The following MCC variants were observed in gnomAD, a reference collection of about 807,000 sequenced individuals.
The protein encoded by MCC is colorectal mutant cancer protein.
Under a neutral mutation model 116.2 loss-of-function variants are expected in MCC, and 90 were observed. The observed-to-expected ratio is 0.77, with a 90% CI of 0.65 to 0.92. The LOEUF (loss-of-function observed/expected upper bound fraction) is 0.92. Ranked by LOEUF, MCC falls within the 40% of genes least tolerant of loss-of-function variation. The pLI, the probability that MCC is intolerant of heterozygous loss-of-function variation, is 0.00. For missense variants in MCC, 1,516 were observed against 1,312.2 expected, an observed-to-expected ratio of 1.16 and a Z score of -2.40; for synonymous variants, 578 against 510.5, an observed-to-expected ratio of 1.13 and a Z score of -1.78.
chr5:113,069,525 G>T (rs1215590697), intron 12 of MCC, among the ~76,000 whole-genome samples: 1 of 152,250 alleles, frequency 6.6e-6, no homozygotes, highest in Admixed American at 6.5e-5. Context: ...GCTGAACAGG[G>T]GATATGTTGC....
chr5:113,035,261 C>T (rs1453266537), intron 17 of MCC, among the ~76,000 whole-genome samples: 1 of 152,164 alleles, frequency 6.6e-6, no homozygotes, highest in East Asian at 1.9e-4. Flanking sequence ...CTCCTCCTCC[C>T]CTCATCCTTG....
intron 3 of MCC, among the ~76,000 whole-genome samples, chr5:113,305,578 G>A (rs149073919): frequency 3.3e-5 from 5 of 151,796 alleles, no homozygotes; most frequent in East Asian, 3.9e-4. Flanking sequence ...TAGTCCTTTC[G>A]TCCCCACTTG....
At chr5:113,294,552 TTA>T in intron 3 of MCC, 1 of 1,367,204 alleles carries the variant, frequency 7.3e-7, no homozygotes, top group East Asian at 2.8e-5. Context: ...GCAGGCACTC[TTA>T]AAAAGAGCAG....
intron 8 of MCC, among the ~76,000 whole-genome samples, chr5:113,101,322 G>C (rs945534022): frequency 3.3e-5 from 5 of 151,494 alleles, no homozygotes; most frequent in African/African-American, 1.2e-4. Context: ...ATAAGCAAAT[G>C]AGAGCAGGTA....
chr5:113,380,809 A>C (rs1209850533), intron 2 of MCC, among the ~76,000 whole-genome samples: 2 of 152,174 alleles, frequency 1.3e-5, no homozygotes, highest in East Asian at 3.8e-4. Context: ...GTGCCTAGTA[A>C]AGGCTCAGAG....
intron 1 of MCC, among the ~76,000 whole-genome samples, chr5:113,477,610 T>A (rs1772267836): frequency 6.6e-6 from 1 of 152,066 alleles, no homozygotes; most frequent in Admixed American, 6.6e-5. Flanking sequence ...CTCACCGAGT[T>A]GAGGAGAGAG....
At chr5:113,462,611 T>C (rs1384227794) in intron 1 of MCC, among the ~76,000 whole-genome samples, 1 of 152,208 alleles carries the variant, frequency 6.6e-6, no homozygotes, top group Non-Finnish European at 1.5e-5. Context: ...CAGCAATTTG[T>C]TCTCCAGTAA....
At chr5:113,352,000 T>C (rs986139949) in intron 2 of MCC, among the ~76,000 whole-genome samples, 2 of 152,206 alleles carry the variant, frequency 1.3e-5, no homozygotes, top group Admixed American at 6.5e-5. Context: ...GACCTTCATA[T>C]TATTACCATA....
At chr5:113,398,780 G>A (rs772485894) in intron 1 of MCC, among the ~76,000 whole-genome samples, 16 of 152,138 alleles carry the variant, frequency 1.1e-4, no homozygotes, top group Non-Finnish European at 1.6e-4. Flanking sequence ...TCAGCATCAC[G>A]CAATATACCC....
chr5:113,292,863 T>C (rs141127621), intron 3 of MCC, among the ~76,000 whole-genome samples: 2 of 152,200 alleles, frequency 1.3e-5, no homozygotes, highest in Admixed American at 1.3e-4. Context: ...AGGCTTCTCC[T>C]GAAACAGGGT....
At chr5:113,394,655 T>G (rs1037968830) in intron 1 of MCC, among the ~76,000 whole-genome samples, 10 of 152,236 alleles carry the variant, frequency 6.6e-5, no homozygotes, top group Non-Finnish European at 1.5e-4. Context: ...AGCGCATGTT[T>G]CATAAGTCAC....
At chr5:113,143,408 A>G in intron 4 of MCC, 48 bp from the exon 5 acceptor site, 1 of 1,592,522 alleles carries the variant, frequency 6.3e-7, no homozygotes, top group Non-Finnish European at 8.6e-7. Flanking sequence ...TCATGCACCT[A>G]CAGGTGGATG....
intron 3 of MCC, among the ~76,000 whole-genome samples, chr5:113,282,776 A>T (rs1202551503): frequency 6.6e-6 from 1 of 152,196 alleles, no homozygotes; most frequent in Non-Finnish European, 1.5e-5. Flanking sequence ...GCATGAAAAT[A>T]AATTAGATTT....
At chr5:113,259,546 A>G (rs1297765732) in intron 3 of MCC, among the ~76,000 whole-genome samples, 1 of 152,198 alleles carries the variant, frequency 6.6e-6, no homozygotes, top group Admixed American at 6.6e-5. Flanking sequence ...TTTGCTCTTA[A>G]TGTGCTTCAG....
chr5:113,435,088 T>C, intron 1 of MCC: 1 of 481,502 alleles, frequency 2.1e-6, no homozygotes. Context: ...CACTTGGACT[T>C]GGAATCCTGG....
At chr5:113,301,863 AG>A (rs1251457204) in intron 3 of MCC, among the ~76,000 whole-genome samples, 1 of 152,234 alleles carries the variant, frequency 6.6e-6, no homozygotes, top group Non-Finnish European at 1.5e-5. Context: ...ATCATGTCAG[AG>A]CCAAATCGTG....
At chr5:113,479,753 CTTT>C (rs1304659175) in intron 1 of MCC, among the ~76,000 whole-genome samples, 3 of 151,716 alleles carry the variant, frequency 2.0e-5, no homozygotes, top group Admixed American at 2.0e-4. Flanking sequence ...CTTTTTTCTT[CTTT>C]ATTCTCCCAC....
intron 6 of MCC, among the ~76,000 whole-genome samples, chr5:113,114,792 C>T (rs1757301899): frequency 6.6e-6 from 1 of 152,146 alleles, no homozygotes; most frequent in African/African-American, 2.4e-5. Context: ...CCGTTCCATC[C>T]CCCTTCTAGC....
intron 3 of MCC, among the ~76,000 whole-genome samples, chr5:113,258,489 T>G (rs1361222432): frequency 6.6e-6 from 1 of 152,230 alleles, no homozygotes; most frequent in Admixed American, 6.5e-5. Flanking sequence ...CAGTATTAGA[T>G]TCTCATAGGA....
Sources: gnomAD v4.1 joint callset for allele counts (sites outside exome capture counted in the v4.1 genomes callset) on GRCh38, gnomAD v4.1.1 for gene constraint, MANE v1.5 for transcripts, NCBI Gene and HGNC (gene_info 2026-07-23, HGNC 2026-07-21) for gene names.